Variants in TTC7A observed in about 807,000 individuals in gnomAD.
TTC7A encodes the protein tetratricopeptide repeat domain 7A.
Under a neutral mutation model 103.7 loss-of-function variants are expected in TTC7A, and 110 were observed. That is an observed-to-expected ratio of 1.06 (90% confidence interval 0.91 to 1.24). TTC7A has a LOEUF of 1.24. Ranked by LOEUF, TTC7A falls within the 50% of genes most tolerant of loss-of-function variation. The probability of loss-of-function intolerance (pLI) is 0.00; values close to 1 mark genes in which losing one functional copy is unlikely to be tolerated. For missense variants in TTC7A, 1,340 were observed against 1,116.3 expected, an observed-to-expected ratio of 1.20 and a Z score of -2.86; for synonymous variants, 521 against 467.9, an observed-to-expected ratio of 1.11 and a Z score of -1.47.
chr2:47,052,215 G>T (rs1558631513), intron 18 of TTC7A, among the ~76,000 whole-genome samples: 3 of 152,244 alleles, frequency 2.0e-5, no homozygotes, highest in Non-Finnish European at 4.4e-5. Context: ...CCCCAAGAAA[G>T]AGAGGGCTGG....
intron 11 of TTC7A, among the ~76,000 whole-genome samples, chr2:47,012,702 C>G (rs1421399300): frequency 6.6e-6 from 1 of 152,196 alleles, no homozygotes; most frequent in African/African-American, 2.4e-5. Context: ...GGCCCCATCC[C>G]TCTGCTGGGT....
chr2:46,948,089 C>T (rs1671087579), intron 1 of TTC7A, among the ~76,000 whole-genome samples: 1 of 152,214 alleles, frequency 6.6e-6, no homozygotes, highest in Non-Finnish European at 1.5e-5. Flanking sequence ...ACGGGATGGC[C>T]ACTGATGGTG....
chr2:47,072,226 G>T (rs915734398), intron 19 of TTC7A, among the ~76,000 whole-genome samples: 1 of 152,182 alleles, frequency 6.6e-6, no homozygotes, highest in Non-Finnish European at 1.5e-5. Context: ...CCTGCCTGAG[G>T]CTCCACCCCG....
intron 3 of TTC7A, among the ~76,000 whole-genome samples, chr2:46,964,978 CCT>C (rs1672713776): frequency 6.6e-6 from 1 of 152,176 alleles, no homozygotes; most frequent in South Asian, 2.1e-4. Context: ...TTCTCCTTCA[CCT>C]CACACCCAGC....
intron 19 of TTC7A, among the ~76,000 whole-genome samples, chr2:47,072,769 A>T (rs1334550754): frequency 6.6e-6 from 1 of 151,462 alleles, no homozygotes; most frequent in African/African-American, 2.4e-5. Context: ...GATCAGTGGG[A>T]CGGCATGAAG....
chr2:47,068,906 GGAGA>G (rs774514419), intron 19 of TTC7A, among the ~76,000 whole-genome samples: 12 of 147,232 alleles, frequency 8.2e-5, no homozygotes, highest in African/African-American at 3.0e-4. Context: ...CACCCTACAT[GGAGA>G]GAGAAGGTAA....
At chr2:47,005,805 C>A in intron 8 of TTC7A, 117 bp from the exon 9 acceptor site, 1 of 1,151,974 alleles carries the variant, frequency 8.7e-7, no homozygotes, top group South Asian at 1.4e-5. Context: ...ATCTTTCTGG[C>A]TTGGGGCAGT....
rs781762867 is a variant in TTC7A, at chr2:46,957,015, T to G, written c.517+8T>G. The G allele has an allele frequency of 2.5e-6, 4 of 1,614,056 alleles. No homozygotes were observed. Among genetic ancestry groups the G allele is most frequent in the Admixed American group, 1.7e-5 (1 of 60,020 alleles). The stretch of plus-strand genomic sequence containing the variant: ...AGGCTTTTGTCATCAAAGGTAGCTG[T>G]GGGCACCAGCCTGGGCTCCCCTCCA... On this transcript the variant is annotated splice_region_variant and intron_variant, in intron 3 of 19. Coordinates refer to ENST00000319190, the MANE Select transcript of TTC7A (RefSeq NM_020458.4).
At position 47,075,300 on chromosome 2, in the gene TTC7A, T is replaced by C. The variant is rs1685132282; in HGVS notation, c.*1377T>C. On this transcript the variant is annotated 3_prime_UTR_variant, in exon 20 of 20. Coordinates refer to ENST00000319190, the MANE Select transcript of TTC7A (RefSeq NM_020458.4). ...CTCTATGTATGTGTGTATATAAATA[T>C]AGTTTTTTATCTATATATATAAAAT... The C allele has an allele frequency of 1.3e-5, 2 of 152,198 alleles. No homozygotes were observed. The highest frequency in any genetic ancestry group is 2.9e-5 in the Non-Finnish European group (2 of 68,044). The allele number at this position is 152,198 out of a possible 1,614,324, so 9.4% of individuals were successfully genotyped here.
chr2:46,983,229 C>G (rs1436681297), intron 5 of TTC7A, among the ~76,000 whole-genome samples: 2 of 152,164 alleles, frequency 1.3e-5, no homozygotes, highest in Non-Finnish European at 2.9e-5. Flanking sequence ...TAGGGCCTGC[C>G]ATGGAGTCCT....
At chr2:47,024,515 G>A (rs1226433010) in intron 14 of TTC7A, among the ~76,000 whole-genome samples, 156 bp downstream of exon 14, 1 of 152,124 alleles carries the variant, frequency 6.6e-6, no homozygotes, top group East Asian at 1.9e-4. Flanking sequence ...CCTCATCAGA[G>A]GGGCCAGTAA....
chr2:46,932,513 A>G (rs1405167382), intron 2 of TTC7A, among the ~76,000 whole-genome samples: 2 of 152,296 alleles, frequency 1.3e-5, no homozygotes, highest in Non-Finnish European at 1.5e-5. Context: ...GATTACATCT[A>G]TGCACTTTCT....
intron 2 of TTC7A, among the ~76,000 whole-genome samples, chr2:46,926,045 G>C (rs902248165): frequency 3.9e-5 from 6 of 152,162 alleles, no homozygotes; most frequent in African/African-American, 1.4e-4. Flanking sequence ...TTACTCACTT[G>C]AGGTGCCCTT....
chr2:46,977,390 GA>G (rs1427817872), intron 4 of TTC7A, among the ~76,000 whole-genome samples: 2 of 152,192 alleles, frequency 1.3e-5, no homozygotes, highest in Non-Finnish European at 2.9e-5. Flanking sequence ...ATGCCTCATT[GA>G]TTTTTTTTCC....
At chr2:47,073,458 C>T (rs554196726) in intron 19 of TTC7A, among the ~76,000 whole-genome samples, 1 of 152,296 alleles carries the variant, frequency 6.6e-6, no homozygotes, top group Admixed American at 6.5e-5. Context: ...TTCCTCGGGA[C>T]CGGCAGGAAC....
chr2:47,004,339 G>A (rs1225382103), intron 8 of TTC7A, among the ~76,000 whole-genome samples: 2 of 152,190 alleles, frequency 1.3e-5, no homozygotes, highest in Non-Finnish European at 2.9e-5. Flanking sequence ...CTCCAGCCCT[G>A]CGCTGCAGGA....
chr2:46,919,880 C>T (rs1280215005), intron 2 of TTC7A, among the ~76,000 whole-genome samples: 2 of 152,336 alleles, frequency 1.3e-5, no homozygotes, highest in East Asian at 3.9e-4. Context: ...ATGAGGGTGA[C>T]CTCAATGGGT....
chr2:47,052,911 G>A (rs1265018601), intron 18 of TTC7A, among the ~76,000 whole-genome samples: 1 of 152,144 alleles, frequency 6.6e-6, no homozygotes, highest in Admixed American at 6.5e-5. Context: ...AGAAGAAACC[G>A]AAAGTTGATG....
At position 47,029,354 on chromosome 2, in the gene TTC7A, T is replaced by C; in HGVS notation, c.1772T>C (p.Met591Thr). The C allele has an allele frequency of 1.2e-6, 2 of 1,613,972 alleles. No individual in the cohort carries two copies. The highest frequency in any genetic ancestry group is 1.7e-6 in the Non-Finnish European group (2 of 1,180,026). Residue 591 changes from methionine (M) to threonine (T), a missense_variant, in exon 15 of 20, where the codon ATG becomes ACG. Coordinates refer to ENST00000319190, the MANE Select transcript of TTC7A (RefSeq NM_020458.4). ...CAGCATGCCCTGGATGTTGTCAACA[T>C]GGCCATCACCGAGCACCCTGAGAAC... is the stretch of plus-strand genomic sequence containing the variant. Reference protein sequence around the residue: ...HHQHALDVVNMAITEHPENFN... With the variant: ...HHQHALDVVNTAITEHPENFN...
Sources: allele counts gnomAD v4.1 joint callset (sites outside exome capture counted in the v4.1 genomes callset), GRCh38; gene constraint gnomAD v4.1.1; transcripts MANE v1.5; gene names NCBI Gene and HGNC (gene_info 2026-07-23, HGNC 2026-07-21).